ARHGEF37: variants seen among roughly 807,000 people sequenced by gnomAD.
The protein encoded by ARHGEF37 is Rho guanine nucleotide exchange factor (GEF) 37.
In ARHGEF37, 55 loss-of-function variants were observed where a neutral mutation model predicts 71.1. The observed-to-expected ratio is 0.77, with a 90% CI of 0.62 to 0.97. ARHGEF37 has a LOEUF of 0.97. Among genes scored for constraint, ARHGEF37 ranks in the 50% least tolerant of loss-of-function variants. The pLI is 0.00. For missense variants in ARHGEF37, 765 were observed against 836.8 expected (o/e 0.91, Z 1.06); for synonymous variants, 327 against 350.6 (o/e 0.93, Z 0.75).
At chr5:149,585,394 C>T (rs1183919419) in intron 1 of ARHGEF37, among the ~76,000 whole-genome samples, 1 of 152,184 alleles carries the variant, frequency 6.6e-6, no homozygotes, top group Non-Finnish European at 1.5e-5. Context: ...ATCCATATAA[C>T]AGAATTCTGC....
chr5:149,624,288 A>G (rs10037341), intron 10 of ARHGEF37, 148 bp downstream of exon 10: 1 of 1,129,318 alleles, frequency 8.9e-7, no homozygotes, highest in East Asian at 2.6e-5. Flanking sequence ...TCTCCTTTCT[A>G]TTTGAGCTGG....
chr5:149,618,820 A>G (rs1752451673), intron 6 of ARHGEF37, 118 bp from the exon 7 acceptor site: 1 of 812,406 alleles, frequency 1.2e-6, no homozygotes, highest in African/African-American at 1.7e-5. Context: ...GGGTTGCGAG[A>G]ACCAGCTCTG....
At chr5:149,574,405 A>G (rs999704421) in intron 1 of ARHGEF37, among the ~76,000 whole-genome samples, 4 of 152,352 alleles carry the variant, frequency 2.6e-5, no homozygotes. Context: ...GATATTGTCT[A>G]TCAGGAAGTT....
At chr5:149,556,097 C>T (rs553415667) in intron 1 of ARHGEF37, among the ~76,000 whole-genome samples, 1 of 152,298 alleles carries the variant, frequency 6.6e-6, no homozygotes, top group South Asian at 2.1e-4. Flanking sequence ...ATGCTAAAAA[C>T]AGAAGGGTAG....
chr5:149,626,882 C>T lies in ARHGEF37; in HGVS notation c.1465-194C>T, dbSNP rs1752702623. The T allele has an allele frequency of 2.5e-5, 11 of 440,040 alleles. No homozygotes were observed. In the South Asian group the frequency reaches 3.3e-4, roughly 13 times the overall value. The allele number at this position is 440,040 out of a possible 1,614,324, so 27.3% of individuals were successfully genotyped here. On this transcript the variant is annotated intron_variant, in intron 10 of 12. Transcript: ENST00000333677. ...AATCCCAGAAATTAGAAGTTTCTTC[C>T]AAAACGCCGTAGGCTGCTAAGAGCC...
In ARHGEF37 at chr5:149,628,880, A is replaced by C; in HGVS notation, c.1732A>C (p.Arg578=). 2 of 1,613,780 alleles carry C rather than the reference A, an allele frequency of 1.2e-6. No individual in the cohort carries two copies. The highest frequency in any genetic ancestry group is 1.7e-6 in the Non-Finnish European group (2 of 1,180,014). ...GGTCCCCAGTGCAGAGGAGCTCAGA[A>C]GGCAGGCGGGGCTGAACAAAGACCC... ...HVVPSAEELR[R]QAGLNKDPRC... The change falls in exon 12 of 13, where the codon AGG becomes CGG. Residue 578 remains arginine, a synonymous_variant. Transcript: ENST00000333677.
At position 149,620,347 on chromosome 5, in the gene ARHGEF37, G is replaced by A; in HGVS notation, c.895-7G>A. ...GATTGGATGTTTCTCCTTGGTACTG[G>A]GTCCAGGCTTTCCTCTACTTCAGGC... is the stretch of plus-strand genomic sequence containing the variant. On this transcript the variant is annotated splice_polypyrimidine_tract_variant and splice_region_variant and intron_variant, in intron 7 of 12. Coordinates refer to ENST00000333677, the MANE Select transcript of ARHGEF37 (RefSeq NM_001001669.3). 6.3e-7 allele frequency: 1 copy of A among 1,599,886 alleles called. No homozygotes were observed. Among genetic ancestry groups the A allele is most frequent in the Non-Finnish European group, 8.5e-7 (1 of 1,172,092 alleles).
At chr5:149,609,193 CAA>C (rs994794039) in intron 3 of ARHGEF37, among the ~76,000 whole-genome samples, 1 of 150,964 alleles carries the variant, frequency 6.6e-6, no homozygotes, top group Admixed American at 6.6e-5. Context: ...TCAAAAGAAA[CAA>C]AAAAACAAAA....
At chr5:149,585,521 T>G (rs923502382) in intron 1 of ARHGEF37, among the ~76,000 whole-genome samples, 2 of 152,154 alleles carry the variant, frequency 1.3e-5, no homozygotes, top group Admixed American at 1.3e-4. Context: ...ACTGTATTAT[T>G]TATTTATTTA....
chr5:149,561,078 G>A (rs2113233008), intron 1 of ARHGEF37, among the ~76,000 whole-genome samples: 1 of 152,162 alleles, frequency 6.6e-6, no homozygotes, highest in African/African-American at 2.4e-5. Flanking sequence ...TTCGAGACCA[G>A]ACTGGCCAAC....
At chr5:149,619,386 C>T (rs1057157668) in intron 7 of ARHGEF37, among the ~76,000 whole-genome samples, 3 of 152,196 alleles carry the variant, frequency 2.0e-5, no homozygotes, top group Non-Finnish European at 4.4e-5. Context: ...GTGAAGTGTG[C>T]AGGTAACAGG....
intron 1 of ARHGEF37, among the ~76,000 whole-genome samples, chr5:149,563,075 C>A (rs1762854165): frequency 6.6e-6 from 1 of 152,208 alleles, no homozygotes; most frequent in South Asian, 2.1e-4. Context: ...GTCTGAATCT[C>A]AAACCCAGCA....
intron 1 of ARHGEF37, among the ~76,000 whole-genome samples, chr5:149,591,685 A>G (rs1243737085): frequency 6.6e-6 from 1 of 152,236 alleles, no homozygotes; most frequent in East Asian, 1.9e-4. Flanking sequence ...AAAATGATAC[A>G]CATTCAGTAG....
chr5:149,595,995 G>GA (rs1763534459), intron 1 of ARHGEF37, among the ~76,000 whole-genome samples: 1 of 77,352 alleles, frequency 1.3e-5, no homozygotes, highest in African/African-American at 4.0e-5. Context: ...CCTTGTGGCT[G>GA]GGGGGGTCCC....
At chr5:149,576,711 C>T (rs1379344964), upstream of ARHGEF37, among the ~76,000 whole-genome samples, 2 of 152,170 alleles carry the variant, frequency 1.3e-5, no homozygotes, top group African/African-American at 4.8e-5. Flanking sequence ...AATCCCAGCA[C>T]TTTGGGAGGC....
chr5:149,587,927 C>T (rs2125132), intron 1 of ARHGEF37, among the ~76,000 whole-genome samples: 3,927 of 142,438 alleles, frequency 0.028, 179 homozygotes, highest in African/African-American at 0.1. Flanking sequence ...GACAAAGTCT[C>T]ACTCTGTCGC....
chr5:149,598,765 G>GAT (rs70973532), intron 2 of ARHGEF37, among the ~76,000 whole-genome samples: 2 of 140,228 alleles, frequency 1.4e-5, no homozygotes, highest in South Asian at 2.1e-4. Context: ...TATAGATATA[G>GAT]ATATAGATAT....
upstream of ARHGEF37, among the ~76,000 whole-genome samples, chr5:149,578,872 C>G (rs1393694322): frequency 6.6e-6 from 1 of 152,048 alleles, no homozygotes; most frequent in Non-Finnish European, 1.5e-5. Flanking sequence ...AAGTAGATTG[C>G]CGCTCTTCAA....
At chr5:149,603,008 C>T (rs1763803126) in intron 3 of ARHGEF37, among the ~76,000 whole-genome samples, 1 of 152,144 alleles carries the variant, frequency 6.6e-6, no homozygotes, top group Admixed American at 6.5e-5. Flanking sequence ...TCTCGGCTCA[C>T]TGCAACCTCT....
Sources: allele counts gnomAD v4.1 joint callset (sites outside exome capture counted in the v4.1 genomes callset), GRCh38; gene constraint gnomAD v4.1.1; transcripts MANE v1.5; gene names NCBI Gene and HGNC (gene_info 2026-07-23, HGNC 2026-07-21).